Variants in PLSCR2 observed in about 807,000 individuals in gnomAD.
PLSCR2 encodes phospholipid scramblase 2.
Under a neutral mutation model 25.3 loss-of-function variants are expected in PLSCR2, and 18 were observed. The observed-to-expected ratio is 0.71, with a 90% CI of 0.49 to 1.06. The LOEUF (loss-of-function observed/expected upper bound fraction) is 1.06, where lower values mean the gene tolerates loss of function less well. PLSCR2 is among the 50% of genes least tolerant of loss of function. PLSCR2 has a pLI of 0.00. For synonymous variants in PLSCR2, 88 were observed against 87.3 expected, an observed-to-expected ratio of 1.01 and a Z score of -0.04; for missense variants, 243 against 269.5, an observed-to-expected ratio of 0.90 and a Z score of 0.69.
intron 2 of PLSCR2, among the ~76,000 whole-genome samples, chr3:146,421,609 C>T (rs2039155005): frequency 6.6e-6 from 1 of 152,076 alleles, no homozygotes; most frequent in Admixed American, 6.6e-5. Flanking sequence ...AACCCACTGT[C>T]TCTCAAAGTT....
intron 1 of PLSCR2, among the ~76,000 whole-genome samples, chr3:146,487,694 A>G (rs2043396202): frequency 6.6e-6 from 1 of 152,162 alleles, no homozygotes; most frequent in Non-Finnish European, 1.5e-5. Context: ...ATGGAAAAAC[A>G]TTCCATGCTT....
At chr3:146,418,363 C>A (rs954327499) in intron 2 of PLSCR2, among the ~76,000 whole-genome samples, 3 of 152,180 alleles carry the variant, frequency 2.0e-5, no homozygotes, top group Admixed American at 6.6e-5. Context: ...CATCCAAAAT[C>A]TCACCATGTA....
intron 1 of PLSCR2, chr3:146,495,882 T>C: frequency 2.0e-6 from 3 of 1,532,904 alleles, no homozygotes; most frequent in Non-Finnish European, 2.6e-6. Flanking sequence ...GGAAACTACA[T>C]GTCATTGGCT....
chr3:146,420,871 T>C (rs947045304), intron 2 of PLSCR2, among the ~76,000 whole-genome samples: 1 of 152,108 alleles, frequency 6.6e-6, no homozygotes, highest in Non-Finnish European at 1.5e-5. Flanking sequence ...ATCTCATACA[T>C]ACAAAAAAGA....
At chr3:146,479,265 A>T (rs2043043977) in intron 1 of PLSCR2, among the ~76,000 whole-genome samples, 1 of 152,188 alleles carries the variant, frequency 6.6e-6, no homozygotes, top group Admixed American at 6.5e-5. Flanking sequence ...ATGTAGATGG[A>T]CTAAATGCCC....
intron 3 of PLSCR2, among the ~76,000 whole-genome samples, chr3:146,456,739 A>G (rs529030710): frequency 2.0e-5 from 3 of 152,180 alleles, no homozygotes; most frequent in Admixed American, 6.5e-5. Flanking sequence ...AAACTGAGTA[A>G]TCATCTTTTT....
intron 1 of PLSCR2, among the ~76,000 whole-genome samples, chr3:146,492,146 A>G (rs2108582599): frequency 6.6e-6 from 1 of 152,184 alleles, no homozygotes; most frequent in Non-Finnish European, 1.5e-5. Flanking sequence ...GACCCTACTG[A>G]CCTGGAAACA....
intron 1 of PLSCR2, among the ~76,000 whole-genome samples, chr3:146,482,888 T>C (rs1425753012): frequency 2.0e-5 from 3 of 152,154 alleles, no homozygotes; most frequent in African/African-American, 7.2e-5. Flanking sequence ...TGGAATACTA[T>C]GCAGCCATAA....
chr3:146,429,805 T>C (rs2039481964), downstream of PLSCR2, among the ~76,000 whole-genome samples: 2 of 152,100 alleles, frequency 1.3e-5, no homozygotes, highest in South Asian at 4.2e-4. Flanking sequence ...TTTTGTATTT[T>C]TAGTAGAGAT....
chr3:146,483,028 G>A (rs2043185274), intron 1 of PLSCR2, among the ~76,000 whole-genome samples: 1 of 151,902 alleles, frequency 6.6e-6, no homozygotes, highest in African/African-American at 2.4e-5. Context: ...AATCAGGCAG[G>A]AGAAAGAAAT....
chr3:146,456,707 C>A (rs2041241901), intron 3 of PLSCR2, among the ~76,000 whole-genome samples: 1 of 152,052 alleles, frequency 6.6e-6, no homozygotes, highest in Non-Finnish European at 1.5e-5. Flanking sequence ...AAGTATTTGT[C>A]ATAGTCTCAG....
intron 1 of PLSCR2, among the ~76,000 whole-genome samples, chr3:146,469,773 T>G (rs1288166224): frequency 7.7e-6 from 1 of 129,510 alleles, no homozygotes; most frequent in African/African-American, 2.9e-5. Flanking sequence ...GGGGCGCGAC[T>G]GCACCCACCC....
intron 1 of PLSCR2, among the ~76,000 whole-genome samples, chr3:146,471,279 T>A (rs1223022861): frequency 2.0e-5 from 3 of 152,216 alleles, no homozygotes; most frequent in African/African-American, 7.2e-5. Flanking sequence ...TACCAATAAG[T>A]CATGGGATTT....
At chr3:146,418,642 A>G (rs2039057580) in intron 2 of PLSCR2, among the ~76,000 whole-genome samples, 1 of 152,106 alleles carries the variant, frequency 6.6e-6, no homozygotes, top group South Asian at 2.1e-4. Flanking sequence ...TGTCAGTTTC[A>G]CCTTCTGGCT....
At position 146,426,149 on chromosome 3, in the gene PLSCR2, CCTCT is replaced by C. The variant is rs767846234; in HGVS notation, c.101-30232_101-30229del. On this transcript the variant is annotated intron_variant and NMD_transcript_variant, in intron 2 of 3. Coordinates refer to the PLSCR2 transcript ENST00000463633. ...ACATTCTATTTTTTCTCTATTCCTC[CCTCT>C]CTGTTTCCCCCCTTTATTTTCCTTC... 7.3e-5 allele frequency among the ~76,000 whole-genome samples: 11 copies of C among 151,558 alleles called. No individual in the cohort carries two copies. In the South Asian group the frequency reaches 1.2e-3, roughly 17 times the overall value.
chr3:146,459,390 G>A (rs1048173302), intron 2 of PLSCR2, among the ~76,000 whole-genome samples: 1 of 152,136 alleles, frequency 6.6e-6, no homozygotes, highest in African/African-American at 2.4e-5. Context: ...CAGAATCAGG[G>A]TGGTGATGAA....
upstream of PLSCR2, among the ~76,000 whole-genome samples, chr3:146,462,295 T>A (rs1246119197): frequency 6.6e-6 from 1 of 152,054 alleles, no homozygotes; most frequent in African/African-American, 2.4e-5. Context: ...TCTCATTATG[T>A]TGCCCAGGCT....
intron 2 of PLSCR2, among the ~76,000 whole-genome samples, chr3:146,404,692 G>T (rs992999501): frequency 6.6e-6 from 1 of 151,694 alleles, no homozygotes; most frequent in African/African-American, 2.4e-5. Flanking sequence ...GGCACAATTT[G>T]TCCCAAGGCA....
upstream of PLSCR2, among the ~76,000 whole-genome samples, chr3:146,465,004 T>G (rs2041798551): frequency 6.6e-6 from 1 of 152,178 alleles, no homozygotes; most frequent in African/African-American, 2.4e-5. Flanking sequence ...AAGTTCCACA[T>G]TACCAAACTG....
Sources: gnomAD v4.1 joint callset for allele counts (sites outside exome capture counted in the v4.1 genomes callset) on GRCh38, gnomAD v4.1.1 for gene constraint, MANE v1.5 for transcripts, NCBI Gene and HGNC (gene_info 2026-07-23, HGNC 2026-07-21) for gene names.